Variants in SLC24A2 observed in about 807,000 individuals in gnomAD.
SLC24A2 encodes the protein solute carrier family 24 member 2.
A neutral mutation model predicts 62.0 loss-of-function variants in SLC24A2; 36 were observed. That is an observed-to-expected ratio of 0.58 (90% CI 0.44 to 0.77). The LOEUF (loss-of-function observed/expected upper bound fraction) is 0.77, where lower values mean the gene tolerates loss of function less well. Ranked by LOEUF, SLC24A2 falls within the 30% of genes least tolerant of loss-of-function variation. The pLI, the probability that SLC24A2 is intolerant of heterozygous loss-of-function variation, is 0.00. For synonymous variants in SLC24A2, 358 were observed against 294.0 expected (o/e 1.22, Z -2.23); for missense variants, 846 against 817.9 (o/e 1.03, Z -0.42).
the SLC24A2 span, among the ~76,000 whole-genome samples, chr9:19,997,765 T>C: frequency 6.6e-6 from 1 of 152,240 alleles, no homozygotes; most frequent in African/African-American, 2.4e-5. Context: ...GATGACATGG[T>C]TGGACTCAGG....
At chr9:19,937,478 A>G in the SLC24A2 span, among the ~76,000 whole-genome samples, 1 of 152,238 alleles carries the variant, frequency 6.6e-6, no homozygotes, top group Non-Finnish European at 1.5e-5. Flanking sequence ...AGATTTTGGA[A>G]TATCTTGAAA....
At chr9:20,078,870 T>C in the SLC24A2 span, among the ~76,000 whole-genome samples, 1 of 152,198 alleles carries the variant, frequency 6.6e-6, no homozygotes, top group African/African-American at 2.4e-5. Context: ...AAATGAAGAA[T>C]TGTATGTGCT....
chr9:20,268,370 T>C, the SLC24A2 span, among the ~76,000 whole-genome samples: 2 of 152,290 alleles, frequency 1.3e-5, no homozygotes, highest in African/African-American at 4.8e-5. Flanking sequence ...TATTGGGAGA[T>C]GGGGCCTTTA....
chr9:19,848,682 G>C, the SLC24A2 span, among the ~76,000 whole-genome samples: 2 of 152,008 alleles, frequency 1.3e-5, no homozygotes, highest in Non-Finnish European at 2.9e-5. Context: ...CTAAATATAA[G>C]TTAAATGTAA....
intron 7 of SLC24A2, among the ~76,000 whole-genome samples, chr9:19,562,326 T>A (rs993831329): frequency 1.3e-5 from 2 of 152,138 alleles, no homozygotes; most frequent in Non-Finnish European, 2.9e-5. Context: ...CTTTCCAGAG[T>A]GGTAATGGAG....
At chr9:19,838,052 G>A in the SLC24A2 span, among the ~76,000 whole-genome samples, 1 of 150,908 alleles carries the variant, frequency 6.6e-6, no homozygotes, top group African/African-American at 2.4e-5. Context: ...TTTCTTCACA[G>A]AATTGGAAAA....
intron 2 of SLC24A2, among the ~76,000 whole-genome samples, chr9:19,761,744 T>C (rs532294185): frequency 4.3e-4 from 65 of 152,268 alleles, no homozygotes; most frequent in African/African-American, 1.5e-3. Context: ...TGGTTTTTTG[T>C]CCTTGCGATA....
the SLC24A2 span, among the ~76,000 whole-genome samples, chr9:20,007,879 C>CTTTTT: frequency 1.9e-3 from 74 of 39,540 alleles, 25 homozygotes; most frequent in African/African-American, 3.0e-3. Context: ...TTACTCCTCT[C>CTTTTT]TTTTTTTTTT....
intron 2 of SLC24A2, among the ~76,000 whole-genome samples, chr9:19,673,444 C>CGT (rs58616827): frequency 0.12 from 16,053 of 129,800 alleles, 3,008 homozygotes; most frequent in African/African-American, 0.34. Flanking sequence ...TGTGTGTGTG[C>CGT]GTGTGTGTGT....
the SLC24A2 span, among the ~76,000 whole-genome samples, chr9:20,050,967 TAAA>T: frequency 6.6e-6 from 1 of 151,600 alleles, no homozygotes; most frequent in African/African-American, 2.4e-5. Flanking sequence ...AATAAGGGAA[TAAA>T]AGAAAAAATA....
chr9:19,850,988 T>TATATATAC, the SLC24A2 span, among the ~76,000 whole-genome samples: 2 of 45,756 alleles, frequency 4.4e-5, no homozygotes, highest in South Asian at 4.9e-4. Flanking sequence ...TATATATGTA[T>TATATATAC]ATATATATAT....
chr9:20,168,322 A>T, the SLC24A2 span, among the ~76,000 whole-genome samples: 10 of 152,028 alleles, frequency 6.6e-5, no homozygotes, highest in Admixed American at 6.6e-4. Context: ...AAAAAGCTTA[A>T]AAAAGTATGG....
chr9:19,865,443 G>T, the SLC24A2 span, among the ~76,000 whole-genome samples: 1 of 152,102 alleles, frequency 6.6e-6, no homozygotes, highest in Non-Finnish European at 1.5e-5. Context: ...CCCAGTACTT[G>T]ACTTCAAATT....
intron 2 of SLC24A2, among the ~76,000 whole-genome samples, chr9:19,755,745 C>G (rs1309857534): frequency 6.6e-6 from 1 of 152,188 alleles, no homozygotes; most frequent in Non-Finnish European, 1.5e-5. Context: ...AGTTTGTTAT[C>G]TGTAGACAGC....
chr9:20,285,458 T>C, the SLC24A2 span, among the ~76,000 whole-genome samples: 4 of 152,032 alleles, frequency 2.6e-5, no homozygotes, highest in Admixed American at 6.5e-5. Flanking sequence ...TCAGTATGAG[T>C]CTGAAAGCAG....
the SLC24A2 span, among the ~76,000 whole-genome samples, chr9:20,298,404 T>C: frequency 6.6e-6 from 1 of 152,078 alleles, no homozygotes; most frequent in Non-Finnish European, 1.5e-5. Context: ...AATTTTTATA[T>C]TTTTAGTAGA....
chr9:20,131,843 G>T, the SLC24A2 span, among the ~76,000 whole-genome samples: 1 of 152,090 alleles, frequency 6.6e-6, no homozygotes, highest in African/African-American at 2.4e-5. Flanking sequence ...CAGGTTTAGT[G>T]TCATAAGAGA....
At chr9:19,813,428 T>C in the SLC24A2 span, among the ~76,000 whole-genome samples, 2 of 148,568 alleles carry the variant, frequency 1.3e-5, no homozygotes, top group Non-Finnish European at 3.0e-5. Context: ...GTTCAAGTGA[T>C]TCTTGTGCCT....
At chr9:19,583,517 T>C (rs1214286243) in intron 5 of SLC24A2, among the ~76,000 whole-genome samples, 1 of 152,232 alleles carries the variant, frequency 6.6e-6, no homozygotes, top group Non-Finnish European at 1.5e-5. Context: ...TTCACTGGTA[T>C]ATCTCCAGTA....
Sources: gnomAD v4.1 joint callset for allele counts (sites outside exome capture counted in the v4.1 genomes callset) on GRCh38, gnomAD v4.1.1 for gene constraint, MANE v1.5 for transcripts, NCBI Gene and HGNC (gene_info 2026-07-23, HGNC 2026-07-21) for gene names.